The following ENTREP2 variants were observed in gnomAD, a reference collection of about 807,000 sequenced individuals.
ENTREP2 encodes the protein protein ENTREP2.
At chr15:29,502,801 G>A in the ENTREP2 span, among the ~76,000 whole-genome samples, 8 of 152,028 alleles carry the variant, frequency 5.3e-5, no homozygotes, top group East Asian at 3.9e-4. Flanking sequence ...AAAATTTCTC[G>A]TAAGAAGATA....
the ENTREP2 span, among the ~76,000 whole-genome samples, chr15:29,419,605 GT>G: frequency 1.3e-5 from 2 of 152,150 alleles, no homozygotes; most frequent in East Asian, 3.8e-4. Context: ...ATCTCAAATC[GT>G]TCAGTAAGCG....
chr15:29,334,957 T>C, the ENTREP2 span, among the ~76,000 whole-genome samples: 1 of 152,174 alleles, frequency 6.6e-6, no homozygotes, highest in Non-Finnish European at 1.5e-5. Flanking sequence ...TAAAGGAACC[T>C]TTTTGGACAT....
chr15:29,291,634 C>T, the ENTREP2 span, among the ~76,000 whole-genome samples: 1 of 152,214 alleles, frequency 6.6e-6, no homozygotes, highest in African/African-American at 2.4e-5. Context: ...GCCAACCACA[C>T]AATGATACAC....
the ENTREP2 span, among the ~76,000 whole-genome samples, chr15:29,575,835 T>C: frequency 3.9e-5 from 6 of 152,146 alleles, no homozygotes; most frequent in Non-Finnish European, 7.4e-5. Context: ...ATTGCTCAAA[T>C]AAATTAAATA....
At chr15:29,149,641 A>T in the ENTREP2 span, among the ~76,000 whole-genome samples, 3 of 152,198 alleles carry the variant, frequency 2.0e-5, no homozygotes, top group Non-Finnish European at 2.9e-5. Context: ...TCATCTTTAG[A>T]GCCGAGGAAA....
At chr15:29,513,507 TG>T in the ENTREP2 span, among the ~76,000 whole-genome samples, 1 of 152,158 alleles carries the variant, frequency 6.6e-6, no homozygotes, top group African/African-American at 2.4e-5. Flanking sequence ...ACCTTCTCCG[TG>T]GAGGGAAGAC....
At chr15:29,218,177 G>A in the ENTREP2 span, among the ~76,000 whole-genome samples, 6 of 152,246 alleles carry the variant, frequency 3.9e-5, no homozygotes, top group East Asian at 5.8e-4. Flanking sequence ...GACTATGTGA[G>A]GGTTCTTAGC....
At chr15:29,652,542 T>G in the ENTREP2 span, among the ~76,000 whole-genome samples, 2 of 152,226 alleles carry the variant, frequency 1.3e-5, no homozygotes, top group African/African-American at 4.8e-5. Flanking sequence ...TGAGGCCCTT[T>G]AGGGAGCCCA....
chr15:29,489,058 C>T, the ENTREP2 span, among the ~76,000 whole-genome samples: 4,017 of 152,118 alleles, frequency 0.026, 174 homozygotes, highest in African/African-American at 0.093. Context: ...GGTTACACAA[C>T]GGTGTGAATG....
chr15:29,283,151 A>C, the ENTREP2 span, among the ~76,000 whole-genome samples: 1 of 152,194 alleles, frequency 6.6e-6, no homozygotes, highest in Non-Finnish European at 1.5e-5. Flanking sequence ...TCAGCTGGCC[A>C]ATCTGGGGGC....
At chr15:29,290,521 T>G in the ENTREP2 span, among the ~76,000 whole-genome samples, 1 of 152,204 alleles carries the variant, frequency 6.6e-6, no homozygotes, top group African/African-American at 2.4e-5. Flanking sequence ...CCATTCTGTA[T>G]GATCAATCTC....
chr15:29,125,253 T>C, the ENTREP2 span, among the ~76,000 whole-genome samples: 1 of 152,100 alleles, frequency 6.6e-6, no homozygotes, highest in Admixed American at 6.5e-5. Context: ...AGTGAGTGAA[T>C]GTGAGCATGG....
At chr15:29,266,697 A>G in the ENTREP2 span, 1 of 152,170 alleles carries the variant, frequency 6.6e-6, no homozygotes, top group African/African-American at 2.4e-5. Flanking sequence ...AAAACTCTAT[A>G]TTGGTTATGT....
chr15:29,211,510 G>C, the ENTREP2 span, among the ~76,000 whole-genome samples: 1 of 152,208 alleles, frequency 6.6e-6, no homozygotes, highest in Non-Finnish European at 1.5e-5. Flanking sequence ...GACTTCAGTA[G>C]TGTGTTGAAG....
chr15:29,214,924 GA>G, the ENTREP2 span, among the ~76,000 whole-genome samples: 1 of 152,152 alleles, frequency 6.6e-6, no homozygotes, highest in Non-Finnish European at 1.5e-5. Context: ...GTTCTTGGAT[GA>G]AATGTTCTGC....
At chr15:29,268,853 C>A in the ENTREP2 span, 2 of 1,614,138 alleles carry the variant, frequency 1.2e-6, no homozygotes, top group South Asian at 1.1e-5. Context: ...TCTGCCAAAG[C>A]CTCACAGTAC....
the ENTREP2 span, among the ~76,000 whole-genome samples, chr15:29,667,480 G>T: frequency 0.085 from 12,187 of 143,754 alleles, 813 homozygotes; most frequent in African/African-American, 0.18. Context: ...GAGCCACTGC[G>T]CCTGGCCTTT....
At chr15:29,508,932 A>T in the ENTREP2 span, among the ~76,000 whole-genome samples, 4 of 152,218 alleles carry the variant, frequency 2.6e-5, no homozygotes. Flanking sequence ...AATAAAGGGT[A>T]TTCAAGTAGG....
the ENTREP2 span, among the ~76,000 whole-genome samples, chr15:29,198,013 A>G: frequency 0.45 from 67,930 of 152,022 alleles, 16,487 homozygotes; most frequent in African/African-American, 0.64. Flanking sequence ...AGGTATCAAC[A>G]TGTCCGCCTC....
Sources: gnomAD v4.1 joint callset for allele counts (sites outside exome capture counted in the v4.1 genomes callset) on GRCh38, gnomAD v4.1.1 for gene constraint, MANE v1.5 for transcripts, NCBI Gene and HGNC (gene_info 2026-07-23, HGNC 2026-07-21) for gene names.